Variants in TCF4 observed in about 807,000 individuals in gnomAD.
TCF4 encodes the protein transcription factor 4, also known as SL3-3 enhancer factor 2.
A neutral mutation model predicts 82.1 loss-of-function variants in TCF4; 3 were observed. The observed-to-expected ratio is 0.04, with a 90% confidence interval of 0.02 to 0.09. The LOEUF is 0.09. Among genes scored for constraint, TCF4 ranks in the 10% least tolerant of loss-of-function variants. TCF4 has a pLI of 1.00. For missense variants in TCF4, 518 were observed against 852.7 expected (o/e 0.61, Z 4.89); for synonymous variants, 276 against 309.6 (o/e 0.89, Z 1.14).
rs530374402 is a variant in TCF4, at chr18:55,317,894, T to C, written c.549+32465A>G. On this transcript the variant is annotated intron_variant, in intron 8 of 19. Coordinates refer to ENST00000354452, the MANE Select transcript of TCF4 (RefSeq NM_001083962.2). ...TATGGACTTGAAAAGCTGCATAATA[T>C]GACCAACAGTCAGAATATAAACATA... 7.2e-5 allele frequency among the ~76,000 whole-genome samples: 11 copies of C among 152,270 alleles called. No individual in the cohort carries two copies. The South Asian group carries it at 2.3e-3, about 31-fold the overall frequency.
At chr18:55,378,278 C>A (rs1486451849) in intron 6 of TCF4, among the ~76,000 whole-genome samples, 3 of 152,124 alleles carry the variant, frequency 2.0e-5, no homozygotes, top group African/African-American at 4.8e-5. Context: ...TGGCTAATAA[C>A]CATCAGTTTA....
chr18:55,515,749 G>A (rs1383324965), intron 3 of TCF4, among the ~76,000 whole-genome samples: 1 of 152,116 alleles, frequency 6.6e-6, no homozygotes, highest in African/African-American at 2.4e-5. Context: ...TGTCGTGTGA[G>A]AAAACTTGGC....
At chr18:55,564,580 T>A (rs545243997) in intron 3 of TCF4, among the ~76,000 whole-genome samples, 2 of 152,332 alleles carry the variant, frequency 1.3e-5, no homozygotes, top group South Asian at 4.1e-4. Context: ...ACTGGTTTAA[T>A]CATCTAGGTG....
At chr18:55,286,217 A>G (rs538204281) in intron 8 of TCF4, among the ~76,000 whole-genome samples, 73 of 151,798 alleles carry the variant, frequency 4.8e-4, no homozygotes, top group Non-Finnish European at 9.4e-4. Context: ...AGTTTTTACA[A>G]TACTGATAAT....
chr18:55,238,834 G>A (rs1407869271), intron 15 of TCF4, among the ~76,000 whole-genome samples: 2 of 151,996 alleles, frequency 1.3e-5, no homozygotes, highest in East Asian at 3.8e-4. Context: ...CTTTGTCTTT[G>A]TATTTCTAAG....
At chr18:55,599,846 A>G (rs532657489) in intron 2 of TCF4, among the ~76,000 whole-genome samples, 45 of 152,350 alleles carry the variant, frequency 3.0e-4, no homozygotes, top group African/African-American at 1.1e-3. Context: ...AACATTTCCA[A>G]CAACCCAGAA....
intron 3 of TCF4, among the ~76,000 whole-genome samples, chr18:55,582,631 G>T (rs2097586085): frequency 6.6e-6 from 1 of 152,096 alleles, no homozygotes; most frequent in South Asian, 2.1e-4. Flanking sequence ...AGGGAATATG[G>T]CCACACTTTA....
chr18:55,573,924 G>T (rs776590554), intron 3 of TCF4, among the ~76,000 whole-genome samples: 2 of 152,042 alleles, frequency 1.3e-5, no homozygotes, highest in Non-Finnish European at 2.9e-5. Flanking sequence ...AATTTTAAAA[G>T]AATATTTTAC....
intron 8 of TCF4, chr18:55,321,970 G>C: frequency 7.6e-7 from 1 of 1,313,074 alleles, no homozygotes; most frequent in Non-Finnish European, 9.7e-7. Flanking sequence ...GGCCCTGATG[G>C]AGCTCGAAAT....
intron 6 of TCF4, among the ~76,000 whole-genome samples, chr18:55,365,610 A>G (rs531090570): frequency 3.9e-5 from 6 of 151,952 alleles, no homozygotes; most frequent in Non-Finnish European, 8.8e-5. Context: ...ATAAAAATCT[A>G]AAGTTTTGGC....
At chr18:55,377,044 C>T (rs2090932628) in intron 6 of TCF4, among the ~76,000 whole-genome samples, 1 of 152,122 alleles carries the variant, frequency 6.6e-6, no homozygotes, top group South Asian at 2.1e-4. Context: ...AACCAGGGCC[C>T]CACACTTTCA....
At chr18:55,357,091 C>T (rs1284483369) in intron 6 of TCF4, among the ~76,000 whole-genome samples, 4 of 152,018 alleles carry the variant, frequency 2.6e-5, no homozygotes, top group African/African-American at 9.7e-5. Flanking sequence ...AAGGGTTGGC[C>T]AGGTTTACGC....
intron 5 of TCF4, among the ~76,000 whole-genome samples, chr18:55,445,355 A>C (rs1355664691): frequency 6.6e-6 from 1 of 152,032 alleles, no homozygotes; most frequent in African/African-American, 2.4e-5. Context: ...AAATAATTAT[A>C]ATTTATAAAG....
chr18:55,323,347 T>A (rs896951115), intron 8 of TCF4, among the ~76,000 whole-genome samples: 1 of 152,126 alleles, frequency 6.6e-6, no homozygotes, highest in Non-Finnish European at 1.5e-5. Context: ...TCCTTACAAC[T>A]CAATATGCTA....
chr18:55,339,489 GA>G (rs1569081940), intron 8 of TCF4, among the ~76,000 whole-genome samples: 1 of 152,202 alleles, frequency 6.6e-6, no homozygotes, highest in Non-Finnish European at 1.5e-5. Flanking sequence ...GCTTTCCAGA[GA>G]AAAATTATCT....
intron 8 of TCF4, among the ~76,000 whole-genome samples, chr18:55,329,204 T>C (rs2077094713): frequency 6.6e-6 from 1 of 152,252 alleles, no homozygotes; most frequent in Non-Finnish European, 1.5e-5. Flanking sequence ...GGCCAATCGA[T>C]AGCCTAAAGC....
At chr18:55,517,555 C>A (rs12606243) in intron 3 of TCF4, among the ~76,000 whole-genome samples, 1 of 151,860 alleles carries the variant, frequency 6.6e-6, no homozygotes, top group Non-Finnish European at 1.5e-5. Flanking sequence ...TGCTATGCAG[C>A]GATAGATAAT....
chr18:55,358,484 C>A (rs1174842171), intron 6 of TCF4, among the ~76,000 whole-genome samples: 1 of 152,168 alleles, frequency 6.6e-6, no homozygotes, highest in African/African-American at 2.4e-5. Flanking sequence ...AGGTGCAGAT[C>A]CTTTACATGC....
chr18:55,582,860 T>C (rs2097588793), intron 3 of TCF4, among the ~76,000 whole-genome samples: 1 of 152,160 alleles, frequency 6.6e-6, no homozygotes, highest in Non-Finnish European at 1.5e-5. Context: ...AGACAATGGA[T>C]ATTAACTTGA....
Sources: gnomAD v4.1 joint callset for allele counts (sites outside exome capture counted in the v4.1 genomes callset) on GRCh38, gnomAD v4.1.1 for gene constraint, MANE v1.5 for transcripts, NCBI Gene and HGNC (gene_info 2026-07-23, HGNC 2026-07-21) for gene names.